Variants in AGAP1 observed in about 807,000 individuals in gnomAD.
The protein encoded by AGAP1 is arf-GAP with GTPase, ANK repeat and PH domain-containing protein 1.
AGAP1 carries 29 observed loss-of-function variants against 105.3 expected under a neutral mutation model. That is an observed-to-expected ratio of 0.28 (90% confidence interval 0.21 to 0.38). The LOEUF (loss-of-function observed/expected upper bound fraction) is 0.38. Among genes scored for constraint, AGAP1 ranks in the 10% least tolerant of loss-of-function variants. The probability of loss-of-function intolerance (pLI) is 1.00; values close to 1 mark genes in which losing one functional copy is unlikely to be tolerated. For missense variants in AGAP1, 998 were observed against 1,165.1 expected (o/e 0.86, Z 2.09); for synonymous variants, 509 against 485.9 (o/e 1.05, Z -0.63).
rs939560974 is a variant in AGAP1 at position 235,551,632 on chromosome 2, A to T, written c.163+56783A>T. On this transcript the variant is annotated intron_variant, in intron 1 of 17. Coordinates refer to ENST00000304032, the MANE Select transcript of AGAP1 (RefSeq NM_001037131.3). The surrounding 1 kb of genome is among the most constrained non-coding windows in gnomAD (Gnocchi z 4.8). Reference sequence around the variant, plus strand: ...ATGCATTCTAAGGACACTTTGTGAGACTAATTAAAACGTTTTTCTTTCCAA... The same window carrying T: ...ATGCATTCTAAGGACACTTTGTGAGTCTAATTAAAACGTTTTTCTTTCCAA... 6.6e-6 allele frequency among the ~76,000 whole-genome samples: 1 copy of T among 152,218 alleles called. No individual in the cohort carries two copies. The highest frequency in any genetic ancestry group is 2.4e-5 in the African/African-American group (1 of 41,458).
chr2:235,907,092 T>C (rs1236769577), intron 10 of AGAP1, among the ~76,000 whole-genome samples: 1 of 152,194 alleles, frequency 6.6e-6, no homozygotes, highest in East Asian at 1.9e-4. Context: ...GCCTCTCTGC[T>C]ACCCTACCCT....
intron 11 of AGAP1, among the ~76,000 whole-genome samples, chr2:235,924,303 C>T (rs77689620): frequency 6.6e-6 from 1 of 152,260 alleles, no homozygotes; most frequent in African/African-American, 2.4e-5. Flanking sequence ...CTTCCAGCAG[C>T]GGTGGGCTCC....
rs1389136545 is a variant in AGAP1, at chr2:235,578,306, A to C, written c.163+83457A>C. On this transcript the variant is annotated intron_variant, in intron 1 of 17. Transcript: ENST00000304032. The surrounding 1 kb of genome is among the most constrained non-coding windows in gnomAD (Gnocchi z 4.9). ...CAAGGACCTGACCTCTCCTCAAACT[A>C]CAACCTAAGAACCACAATGCCTGTT... is the stretch of plus-strand genomic sequence containing the variant. 6.6e-6 allele frequency among the ~76,000 whole-genome samples: 1 copy of C among 152,148 alleles called. No individual in the cohort carries two copies. The highest frequency in any genetic ancestry group is 1.5e-5 in the Non-Finnish European group (1 of 68,026).
At position 235,793,301 on chromosome 2, in the gene AGAP1, G is replaced by A. The variant is rs973112264; in HGVS notation, c.674-4458G>A. Among the ~76,000 whole-genome samples the A allele has an allele frequency of 6.6e-6, 1 of 152,178 alleles. No individual in the cohort carries two copies. On this transcript the variant is annotated intron_variant, in intron 6 of 17. Transcript: ENST00000304032. The surrounding 1 kb of genome is among the most constrained non-coding windows in gnomAD (Gnocchi z 5.3). ...ACGGTGTAATCCGGGCAGCCTTGGC[G>A]AGCACCTCCTGTGTGCCAGTCACCA...
At chr2:235,514,069 A>G (rs114299498) in intron 1 of AGAP1, among the ~76,000 whole-genome samples, 1,942 of 152,238 alleles carry the variant, frequency 0.013, 30 homozygotes, top group African/African-American at 0.044. Flanking sequence ...GTTTATGTGT[A>G]CAGAACACAT....
intron 5 of AGAP1, among the ~76,000 whole-genome samples, chr2:235,746,296 A>C (rs1399108590): frequency 6.6e-6 from 1 of 151,238 alleles, no homozygotes; most frequent in African/African-American, 2.4e-5. Context: ...AAGGGAAAAA[A>C]AAAACAAAAC....
intron 5 of AGAP1, among the ~76,000 whole-genome samples, chr2:235,748,443 T>A (rs1286511818): frequency 2.0e-5 from 3 of 152,242 alleles, no homozygotes; most frequent in African/African-American, 7.2e-5. Flanking sequence ...CTTTCTTTTC[T>A]TAAATGTTGT....
intron 9 of AGAP1, among the ~76,000 whole-genome samples, chr2:235,857,584 C>T (rs1164999880): frequency 2.0e-5 from 3 of 152,170 alleles, no homozygotes; most frequent in Non-Finnish European, 4.4e-5. Context: ...GTGGATACAC[C>T]AAGAACATGG....
intron 11 of AGAP1, among the ~76,000 whole-genome samples, chr2:235,929,556 T>C (rs2125145848): frequency 6.6e-6 from 1 of 152,310 alleles, no homozygotes; most frequent in African/African-American, 2.4e-5. Context: ...CCTCGTCGTT[T>C]GTTAATCGCT....
chr2:236,078,352 G>C lies in AGAP1; in HGVS notation c.2114+29071G>C, dbSNP rs73996518. 2.6e-5 allele frequency among the ~76,000 whole-genome samples: 4 copies of C among 152,022 alleles called. No homozygotes were observed. Among genetic ancestry groups the C allele is most frequent in the Non-Finnish European group, 5.9e-5 (4 of 68,002 alleles). On this transcript the variant is annotated intron_variant, in intron 16 of 17. Transcript: ENST00000304032. This position sits in a 1 kb window ranked among gnomAD's most constrained non-coding sequence, Gnocchi z 5.3. The stretch of plus-strand genomic sequence containing the variant: ...CCCACCTGCTTTCTCAAGGATAATT[G>C]CCTTTGTTTGGAGTCCATGGACTAT...
intron 11 of AGAP1, among the ~76,000 whole-genome samples, chr2:235,929,381 T>C (rs1425626564): frequency 6.6e-6 from 1 of 152,180 alleles, no homozygotes; most frequent in Non-Finnish European, 1.5e-5. Flanking sequence ...TTTCCGATCC[T>C]TCCTTCCCTG....
chr2:235,595,234 G>T (rs1945487014), intron 1 of AGAP1, among the ~76,000 whole-genome samples: 1 of 152,202 alleles, frequency 6.6e-6, no homozygotes, highest in South Asian at 2.1e-4. Flanking sequence ...GGCCAGCATG[G>T]TCTTGATGCC....
chr2:235,810,548 T>A (rs1428244339), intron 9 of AGAP1, among the ~76,000 whole-genome samples: 3 of 152,172 alleles, frequency 2.0e-5, no homozygotes, highest in Non-Finnish European at 4.4e-5. Flanking sequence ...CCCCAGAGTT[T>A]ACAGATAGTA....
At chr2:235,826,581 C>T (rs1959081404) in intron 9 of AGAP1, among the ~76,000 whole-genome samples, 1 of 152,096 alleles carries the variant, frequency 6.6e-6, no homozygotes, top group African/African-American at 2.4e-5. Context: ...TCCCAAGTAG[C>T]TGGGATTACA....
At chr2:235,806,337 A>G (rs1957832126) in intron 8 of AGAP1, among the ~76,000 whole-genome samples, 1 of 152,220 alleles carries the variant, frequency 6.6e-6, no homozygotes, top group Admixed American at 6.5e-5. Context: ...CACAGTTATT[A>G]AGGAGGACGA....
intron 12 of AGAP1, among the ~76,000 whole-genome samples, chr2:235,968,181 T>A (rs182504148): frequency 1.4e-4 from 22 of 152,308 alleles, no homozygotes; most frequent in Non-Finnish European, 2.6e-4. Context: ...AGAGCTCCAG[T>A]CATGCAGAGG....
intron 9 of AGAP1, among the ~76,000 whole-genome samples, chr2:235,851,012 AG>A (rs1055233727): frequency 2.3e-4 from 35 of 152,288 alleles, no homozygotes; most frequent in African/African-American, 6.3e-4. Context: ...CAACCTACAG[AG>A]GGGGCTCCCA....
intron 11 of AGAP1, among the ~76,000 whole-genome samples, chr2:235,925,995 A>G (rs1198722226): frequency 6.6e-6 from 1 of 152,272 alleles, no homozygotes; most frequent in East Asian, 1.9e-4. Context: ...GTGAGAATAC[A>G]GTGATTTTAA....
At chr2:236,034,062 G>C (rs1304763507) in intron 13 of AGAP1, among the ~76,000 whole-genome samples, 1 of 152,156 alleles carries the variant, frequency 6.6e-6, no homozygotes, top group Non-Finnish European at 1.5e-5. Flanking sequence ...GAGTTATGTA[G>C]TTTTTTCATA....
Sources: gnomAD v4.1 joint callset for allele counts (sites outside exome capture counted in the v4.1 genomes callset) on GRCh38, gnomAD v4.1.1 for gene constraint, Gnocchi (gnomAD v3.1) non-coding constraint, MANE v1.5 for transcripts, NCBI Gene and HGNC (gene_info 2026-07-23, HGNC 2026-07-21) for gene names.